SH2D3C: variants seen among roughly 807,000 people sequenced by gnomAD.
SH2D3C encodes SH2 domain-containing protein 3C.
In SH2D3C, 25 loss-of-function variants were observed where a neutral mutation model predicts 75.2. The ratio of observed to expected loss-of-function variants is 0.33; its 90% confidence interval spans 0.24 to 0.46. SH2D3C has a LOEUF of 0.46. Ranked by LOEUF, SH2D3C falls within the 20% of genes least tolerant of loss-of-function variation. The probability of loss-of-function intolerance (pLI) is 1.00; values close to 1 mark genes in which losing one functional copy is unlikely to be tolerated. For missense variants in SH2D3C, 933 were observed against 1,165.3 expected, an observed-to-expected ratio of 0.80 and a Z score of 2.90; for synonymous variants, 450 against 473.7, an observed-to-expected ratio of 0.95 and a Z score of 0.65.
chr9:127,758,225 T>C (rs544002167), intron 3 of SH2D3C, among the ~76,000 whole-genome samples: 1 of 152,152 alleles, frequency 6.6e-6, no homozygotes, highest in Admixed American at 6.6e-5. Context: ...CCTCCTACTG[T>C]GGCCTCCCAG....
chr9:127,767,200 A>G, intron 2 of SH2D3C: 2 of 1,528,780 alleles, frequency 1.3e-6, no homozygotes, highest in Non-Finnish European at 1.7e-6. Context: ...GAGAAGGCAG[A>G]GCAGGGGCCA....
intron 6 of SH2D3C, among the ~76,000 whole-genome samples, chr9:127,745,854 G>A (rs982183029): frequency 6.6e-6 from 1 of 152,116 alleles, no homozygotes; most frequent in Admixed American, 6.6e-5. Context: ...CAACATGCTG[G>A]AGACATAATG....
rs1026362984 is a variant in SH2D3C at position 127,754,637 on chromosome 9, A to G, written c.556-3337T>C. The stretch of plus-strand genomic sequence containing the variant: ...CTCTGGCCCCAACCCTGGCATCCGA[A>G]GCATCCCCCGCGTTTCCTGCTCCTC... On this transcript the variant is annotated intron_variant, in intron 3 of 11. Coordinates refer to ENST00000314830, the MANE Select transcript of SH2D3C (RefSeq NM_170600.3). The surrounding 1 kb of genome is among the most constrained non-coding windows in gnomAD (Gnocchi z 4.4). Among the ~76,000 whole-genome samples, 1 of 151,998 alleles carries G rather than the reference A, an allele frequency of 6.6e-6. No individual in the cohort carries two copies. The highest frequency in any genetic ancestry group is 1.5e-5 in the Non-Finnish European group (1 of 67,954).
intron 1 of SH2D3C, 108 bp downstream of exon 1, chr9:127,778,483 T>C: frequency 2.2e-6 from 2 of 918,452 alleles, no homozygotes; most frequent in South Asian, 1.4e-5. Context: ...AGAAAAAGAG[T>C]GAGAGAGAGA....
In SH2D3C at chr9:127,774,443, C is replaced by A. The variant is rs1261783947; in HGVS notation, c.62G>T (p.Gly21Val). 6.3e-7 allele frequency: 1 copy of A among 1,592,896 alleles called. No homozygotes were observed. Among genetic ancestry groups the A allele is most frequent in the African/African-American group, 1.3e-5 (1 of 74,574 alleles). Residue 21 changes from glycine to valine, a missense_variant, in exon 2 of 12, where the codon GGG becomes GTG. Coordinates refer to ENST00000314830, the MANE Select transcript of SH2D3C (RefSeq NM_170600.3). The surrounding 1 kb of genome is among the most constrained non-coding windows in gnomAD (Gnocchi z 4.3). Reference protein sequence around the residue: ...KFKFFKFKGFGSLSNLPRSFT... With the variant: ...KFKFFKFKGFVSLSNLPRSFT... The stretch of plus-strand genomic sequence containing the variant: ...GGACCGAGGGAGGTTGGAGAGACTC[C>A]CAAAGCCCTTGAACTTGAAGAACTC...
chr9:127,766,971 A>G, intron 2 of SH2D3C: 1 of 1,536,124 alleles, frequency 6.5e-7, no homozygotes, highest in Non-Finnish European at 8.7e-7. Context: ...GGGCAAAAAG[A>G]GCTGGGTGGA....
intron 1 of SH2D3C, among the ~76,000 whole-genome samples, chr9:127,778,290 C>CA (rs112260508): frequency 0.074 from 6,759 of 91,786 alleles, 479 homozygotes; most frequent in African/African-American, 0.22. Context: ...TGCACCTGGC[C>CA]AAAAAAAAAA....
At chr9:127,776,906 G>C (rs1829018328) in intron 1 of SH2D3C, among the ~76,000 whole-genome samples, 1 of 152,238 alleles carries the variant, frequency 6.6e-6, no homozygotes, top group African/African-American at 2.4e-5. Flanking sequence ...TGCATGCGGT[G>C]GGGGTGGAAA....
rs1042231343 is a variant in SH2D3C at position 127,751,461 on chromosome 9, G to T, written c.556-161C>A. 6.6e-6 allele frequency among the ~76,000 whole-genome samples: 1 copy of T among 152,250 alleles called. No individual in the cohort carries two copies. The highest frequency in any genetic ancestry group is 1.5e-5 in the Non-Finnish European group (1 of 68,046). On this transcript the variant is annotated intron_variant, in intron 3 of 11. Transcript: ENST00000314830. This position sits in a 1 kb window ranked among gnomAD's most constrained non-coding sequence, Gnocchi z 4.1. The stretch of plus-strand genomic sequence containing the variant: ...TCCCATGGGTCCCAGAAAGAGTAAA[G>T]AAATCTCAATTCCTTCCACAAAACA...
chr9:127,770,897 C>T (rs1055732286), intron 2 of SH2D3C, among the ~76,000 whole-genome samples: 1 of 152,158 alleles, frequency 6.6e-6, no homozygotes, highest in African/African-American at 2.4e-5. Context: ...GGGTTTAAAC[C>T]CTGGTTCTGA....
rs765844909 is a variant in SH2D3C at position 127,745,053 on chromosome 9, C to T, written c.1311G>A (p.Leu437=). The change falls in exon 7 of 12, where the codon TTG becomes TTA. Residue 437 remains leucine (L), a synonymous_variant. Transcript: ENST00000314830. ...AACGGCGGGCGACAGGGGAGGCAGG[C>T]AATGCTGTGGCAGAAGGGGCTGCAG... The part of the protein sequence containing the change: ...AAPAAPSATA[L]PASPVARRSS... The T allele has an allele frequency of 6.6e-7, 1 of 1,510,168 alleles. No homozygotes were observed. The highest frequency in any genetic ancestry group is 8.8e-7 in the Non-Finnish European group (1 of 1,130,250). The allele number at this position is 1,510,168 out of a possible 1,614,324, so 93.5% of individuals were successfully genotyped here.
At chr9:127,743,184 C>T (rs1844918433) in intron 7 of SH2D3C, among the ~76,000 whole-genome samples, 1 of 152,160 alleles carries the variant, frequency 6.6e-6, no homozygotes. Context: ...AGGAAAATGT[C>T]CAGAGGTGCC....
At chr9:127,762,964 C>T (rs1250358079) in intron 2 of SH2D3C, among the ~76,000 whole-genome samples, 1 of 152,100 alleles carries the variant, frequency 6.6e-6, no homozygotes, top group East Asian at 1.9e-4. Flanking sequence ...ACCCACAAGG[C>T]CCTGTGTGGC....
At position 127,755,200 on chromosome 9, in the gene SH2D3C, CGGT is replaced by C. The variant is rs1845342014; in HGVS notation, c.556-3903_556-3901del. 5.3e-6 allele frequency: 6 copies of C among 1,138,286 alleles called. No homozygotes were observed. In the Admixed American group the frequency reaches 2.4e-4, roughly 45 times the overall value. 70.5% of individuals were successfully genotyped at this position (1,138,286 alleles called of 1,614,324 possible). On this transcript the variant is annotated intron_variant, in intron 3 of 11. Coordinates refer to ENST00000314830, the MANE Select transcript of SH2D3C (RefSeq NM_170600.3). ...CCGGGGCCGGGACGGTGTGGGGGGG[CGGT>C]GGCCGGCGGGGCAGGGGCGCAGGGA...
At chr9:127,746,324 C>T (rs1257808147) in intron 6 of SH2D3C, among the ~76,000 whole-genome samples, 2 of 152,218 alleles carry the variant, frequency 1.3e-5, no homozygotes, top group African/African-American at 2.4e-5. Context: ...TCTCGTGACA[C>T]TTGGCCTGCC....
intron 2 of SH2D3C, chr9:127,762,340 C>T (rs1845549142): frequency 7.7e-7 from 1 of 1,303,082 alleles, no homozygotes; most frequent in South Asian, 1.2e-5. Context: ...TACCCCTACC[C>T]TCAGGCAGCC....
chr9:127,747,362 C>T, intron 5 of SH2D3C, 91 bp from the exon 6 acceptor site: 1 of 1,234,326 alleles, frequency 8.1e-7, no homozygotes, highest in Admixed American at 2.7e-5. Flanking sequence ...CCTTGAACTT[C>T]AGAGGCAGAG....
chr9:127,746,967 T>A (rs946272530), intron 6 of SH2D3C, among the ~76,000 whole-genome samples, 180 bp downstream of exon 6: 9 of 152,184 alleles, frequency 5.9e-5, no homozygotes, highest in Admixed American at 4.6e-4. Context: ...AAACAAACCA[T>A]GGATACATCT....
At chr9:127,767,447 C>T (rs1845656395) in intron 2 of SH2D3C, 2 of 371,222 alleles carry the variant, frequency 5.4e-6, no homozygotes, top group South Asian at 1.1e-4. Context: ...CTGCTCTGTT[C>T]CTTACATGGG....
Sources: allele counts gnomAD v4.1 joint callset (sites outside exome capture counted in the v4.1 genomes callset), GRCh38; gene constraint gnomAD v4.1.1; non-coding constraint Gnocchi (gnomAD v3.1); transcripts MANE v1.5; gene names NCBI Gene and HGNC (gene_info 2026-07-23, HGNC 2026-07-21).